Variants in MTA3 observed in about 807,000 individuals in gnomAD.
The protein encoded by MTA3 is metastasis-associated protein MTA3.
A neutral mutation model predicts 83.5 loss-of-function variants in MTA3; 34 were observed. That is an observed-to-expected ratio of 0.41 (90% CI 0.31 to 0.54). The LOEUF (loss-of-function observed/expected upper bound fraction) is 0.54. Among genes scored for constraint, MTA3 ranks in the 20% least tolerant of loss-of-function variants. The probability of loss-of-function intolerance (pLI) is 0.33; values close to 1 mark genes in which losing one functional copy is unlikely to be tolerated. For synonymous variants in MTA3, 303 were observed against 252.7 expected (o/e 1.20, Z -1.89); for missense variants, 761 against 726.4 (o/e 1.05, Z -0.55).
rs552423104 is a variant in MTA3 at position 42,741,304 on chromosome 2, T to C, written c.1760-12070T>C. On this transcript the variant is annotated intron_variant, in intron 16 of 16. Coordinates refer to ENST00000405094, the MANE Select transcript of MTA3 (RefSeq NM_001330442.2). ...TCTTGTATTCAGGCCACTTTCTCCTTATCAGCAGTAAGATTGTTTCACTTT... is the reference window on the plus strand; with the variant it reads ...TCTTGTATTCAGGCCACTTTCTCCTCATCAGCAGTAAGATTGTTTCACTTT... Among the ~76,000 whole-genome samples the C allele has an allele frequency of 3.3e-5, 5 of 152,230 alleles. 1 individual carries two copies. The South Asian group carries it at 1.0e-3, about 31-fold the overall frequency.
At chr2:42,715,286 A>G (rs949740943) in intron 14 of MTA3, among the ~76,000 whole-genome samples, 2 of 152,162 alleles carry the variant, frequency 1.3e-5, no homozygotes, top group African/African-American at 2.4e-5. Flanking sequence ...CTCAGGGCCA[A>G]CTGTATTTTT....
intron 16 of MTA3, among the ~76,000 whole-genome samples, chr2:42,735,080 T>G (rs960307892): frequency 1.3e-5 from 2 of 152,220 alleles, no homozygotes; most frequent in African/African-American, 4.8e-5. Context: ...AGATCATTTC[T>G]TATTGCTCAT....
intron 3 of MTA3, among the ~76,000 whole-genome samples, chr2:42,592,132 T>C (rs1361177552): frequency 6.6e-6 from 1 of 151,960 alleles, no homozygotes; most frequent in East Asian, 1.9e-4. Context: ...GGTTTGGTGG[T>C]AAACACCTGT....
intron 2 of MTA3, among the ~76,000 whole-genome samples, chr2:42,499,396 C>T (rs866240853): frequency 6.6e-6 from 1 of 150,678 alleles, no homozygotes; most frequent in Non-Finnish European, 1.5e-5. Flanking sequence ...GAACTCCCAA[C>T]CTCAGGTGAT....
intron 3 of MTA3, among the ~76,000 whole-genome samples, chr2:42,598,640 C>T (rs897659512): frequency 2.0e-5 from 3 of 152,108 alleles, no homozygotes; most frequent in African/African-American, 7.2e-5. Flanking sequence ...AAATATACTG[C>T]ATTTTGTTAT....
chr2:42,625,125 A>G (rs1258715246), intron 4 of MTA3, among the ~76,000 whole-genome samples: 1 of 151,792 alleles, frequency 6.6e-6, no homozygotes, highest in Non-Finnish European at 1.5e-5. Context: ...TTTGCTTCCT[A>G]GATTCAAGCG....
intron 4 of MTA3, among the ~76,000 whole-genome samples, chr2:42,622,653 T>A (rs1050654628): frequency 6.6e-6 from 1 of 151,980 alleles, no homozygotes; most frequent in African/African-American, 2.4e-5. Flanking sequence ...TTTAAAAAAA[T>A]TTTTGCCTAT....
chr2:42,584,085 C>G (rs184480065), intron 3 of MTA3, among the ~76,000 whole-genome samples: 15 of 151,706 alleles, frequency 9.9e-5, no homozygotes, highest in East Asian at 3.9e-4. Context: ...TCAGGTGATA[C>G]GCCCACCTCT....
At chr2:42,573,402 T>C (rs1003335289) in intron 2 of MTA3, among the ~76,000 whole-genome samples, 2 of 151,988 alleles carry the variant, frequency 1.3e-5, no homozygotes, top group Admixed American at 6.6e-5. Flanking sequence ...CTGGAGTTCA[T>C]TGGTATGATG....
At chr2:42,608,020 T>C (rs1328023125) in intron 3 of MTA3, among the ~76,000 whole-genome samples, 1 of 152,224 alleles carries the variant, frequency 6.6e-6, no homozygotes, top group Non-Finnish European at 1.5e-5. Context: ...GTGGTTTTCA[T>C]TAGTGATCTG....
At chr2:42,510,584 G>A (rs564598114) in intron 2 of MTA3, among the ~76,000 whole-genome samples, 9 of 152,286 alleles carry the variant, frequency 5.9e-5, no homozygotes, top group South Asian at 4.1e-4. Flanking sequence ...ATATCTTAAT[G>A]ACACTGTCAT....
intron 4 of MTA3, among the ~76,000 whole-genome samples, chr2:42,612,469 G>T (rs368651482): frequency 3.3e-5 from 5 of 152,230 alleles, no homozygotes; most frequent in African/African-American, 1.2e-4. Context: ...GCCCACCTTG[G>T]CCTCCCAAAG....
rs1005356173 is a variant in MTA3, at chr2:42,756,187, T to A, written c.*2788T>A. The A allele has an allele frequency of 3.7e-6, 1 of 271,626 alleles. No homozygotes were observed. The highest frequency in any genetic ancestry group is 2.3e-5 in the African/African-American group (1 of 43,670). 16.8% of individuals were successfully genotyped at this position (271,626 alleles called of 1,614,324 possible). A position where few individuals can be genotyped will look rare whatever the true frequency, so the allele number is the denominator to read the frequency against. ...TGGCTGGGCACCAGGGGAGGACGCG[T>A]CACCAGAGCCTGGGGCCAAGGCCAC... On this transcript the variant is annotated 3_prime_UTR_variant, in exon 17 of 17. Coordinates refer to ENST00000405094, the MANE Select transcript of MTA3 (RefSeq NM_001330442.2).
chr2:42,703,986 AG>A, intron 11 of MTA3: 1 of 497,824 alleles, frequency 2.0e-6, no homozygotes, highest in Non-Finnish European at 3.6e-6. Context: ...GTCAGGCATA[AG>A]CAATTCCTTT....
At chr2:42,520,099 G>C (rs1469634903) in intron 2 of MTA3, among the ~76,000 whole-genome samples, 1 of 152,148 alleles carries the variant, frequency 6.6e-6, no homozygotes, top group African/African-American at 2.4e-5. Flanking sequence ...ATTTAGGGTA[G>C]CAGGGTCATG....
At chr2:42,631,672 T>A (rs1310437946) in intron 4 of MTA3, among the ~76,000 whole-genome samples, 1 of 152,216 alleles carries the variant, frequency 6.6e-6, no homozygotes, top group African/African-American at 2.4e-5. Flanking sequence ...TATACTCTTT[T>A]AGTTATTTTG....
chr2:42,566,837 G>T (rs893238685), upstream of MTA3, among the ~76,000 whole-genome samples: 2 of 152,206 alleles, frequency 1.3e-5, no homozygotes, highest in African/African-American at 4.8e-5. Flanking sequence ...TGTACTTGGA[G>T]AAACACTGTG....
intron 2 of MTA3, chr2:42,511,982 A>T (rs879622849): frequency 1.1e-4 from 16 of 152,046 alleles, no homozygotes; most frequent in Non-Finnish European, 1.9e-4. Flanking sequence ...GCACCACTGC[A>T]CTCCAGCCTG....
upstream of MTA3, among the ~76,000 whole-genome samples, chr2:42,565,377 G>A (rs1321585766): frequency 4.7e-5 from 7 of 149,904 alleles, no homozygotes; most frequent in East Asian, 1.4e-3. Flanking sequence ...GGTAGAGGTG[G>A]GGTCTTGCCA....
Sources: allele counts gnomAD v4.1 joint callset (sites outside exome capture counted in the v4.1 genomes callset), GRCh38; gene constraint gnomAD v4.1.1; transcripts MANE v1.5; gene names NCBI Gene and HGNC (gene_info 2026-07-23, HGNC 2026-07-21).